Variants in TMEM132B observed in about 807,000 individuals in gnomAD.
TMEM132B encodes transmembrane protein 132B.
In TMEM132B, 18 loss-of-function variants were observed where a neutral mutation model predicts 90.8. The observed-to-expected ratio is 0.20, with a 90% CI of 0.14 to 0.29. TMEM132B has a LOEUF of 0.29. TMEM132B is among the 10% of genes least tolerant of loss of function. TMEM132B has a pLI of 1.00. For synonymous variants in TMEM132B, 504 were observed against 523.3 expected (o/e 0.96, Z 0.50); for missense variants, 1,096 against 1,326.8 (o/e 0.83, Z 2.70).
At chr12:125,435,835 G>A (rs545251255) in intron 3 of TMEM132B, among the ~76,000 whole-genome samples, 1 of 151,988 alleles carries the variant, frequency 6.6e-6, no homozygotes, top group Non-Finnish European at 1.5e-5. Context: ...TGGACTCCCC[G>A]GGGCAGGAGG....
At chr12:125,640,385 C>T (rs942409086) in intron 5 of TMEM132B, among the ~76,000 whole-genome samples, 1 of 152,166 alleles carries the variant, frequency 6.6e-6, no homozygotes. Context: ...CAGTAGAAAA[C>T]CACTTATGAA....
intron 1 of TMEM132B, among the ~76,000 whole-genome samples, chr12:125,290,264 C>T (rs780068213): frequency 6.6e-6 from 1 of 152,158 alleles, no homozygotes; most frequent in African/African-American, 2.4e-5. Context: ...ACTTTCTGCT[C>T]TTATTGATTT....
chr12:125,641,391 G>A (rs1398850892), intron 5 of TMEM132B, among the ~76,000 whole-genome samples: 1 of 152,190 alleles, frequency 6.6e-6, no homozygotes, highest in Non-Finnish European at 1.5e-5. Flanking sequence ...CATGAAGTGA[G>A]AAACTCTGGT....
intron 6 of TMEM132B, among the ~76,000 whole-genome samples, chr12:125,645,837 T>TGTATTA (rs1289218665): frequency 2.0e-5 from 3 of 152,200 alleles, no homozygotes; most frequent in Admixed American, 6.5e-5. Context: ...ATACAGAGCC[T>TGTATTA]GTTGCCCAGG....
intron 2 of TMEM132B, among the ~76,000 whole-genome samples, chr12:125,389,592 TATG>T (rs1878950115): frequency 2.0e-5 from 3 of 152,170 alleles, no homozygotes; most frequent in Non-Finnish European, 2.9e-5. Flanking sequence ...ATGGAGTTGT[TATG>T]ATAATTAAGA....
chr12:125,515,339 C>T (rs11609471), intron 3 of TMEM132B, among the ~76,000 whole-genome samples: 25,417 of 151,926 alleles, frequency 0.17, 2,624 homozygotes, highest in Non-Finnish European at 0.24. Context: ...ACAACACATT[C>T]TGTCACACTC....
chr12:125,521,003 A>G (rs774386918), intron 4 of TMEM132B, among the ~76,000 whole-genome samples: 1 of 152,210 alleles, frequency 6.6e-6, no homozygotes, highest in Non-Finnish European at 1.5e-5. Flanking sequence ...GGGAACAGAG[A>G]TGGATGGGTG....
At chr12:125,560,619 G>C (rs1364013959) in intron 4 of TMEM132B, among the ~76,000 whole-genome samples, 1 of 151,294 alleles carries the variant, frequency 6.6e-6, no homozygotes, top group East Asian at 1.9e-4. Flanking sequence ...TCAGGAGATC[G>C]AGACCATCCT....
At chr12:125,633,440 T>C (rs984255029) in intron 5 of TMEM132B, among the ~76,000 whole-genome samples, 1 of 152,236 alleles carries the variant, frequency 6.6e-6, no homozygotes, top group Non-Finnish European at 1.5e-5. Context: ...TTATTTAGTT[T>C]ATTTGGTGAG....
At chr12:125,289,692 A>G (rs1293908528) in intron 1 of TMEM132B, among the ~76,000 whole-genome samples, 1 of 152,264 alleles carries the variant, frequency 6.6e-6, no homozygotes, top group Non-Finnish European at 1.5e-5. Flanking sequence ...AGATACTTTC[A>G]TCAGCCACAC....
In TMEM132B at chr12:125,658,837, C is replaced by A. The variant is rs1042692199; in HGVS notation, c.*4127C>A. 1 of 152,152 alleles carries A rather than the reference C, an allele frequency of 6.6e-6. No individual in the cohort carries two copies. Among genetic ancestry groups the A allele is most frequent in the Non-Finnish European group, 1.5e-5 (1 of 68,026 alleles). 9.4% of individuals were successfully genotyped at this position (152,152 alleles called of 1,614,324 possible). A position where few individuals can be genotyped will look rare whatever the true frequency, so the allele number is the denominator to read the frequency against. ...AATGCACTGAATTTGGAATTCTGGC[C>A]TAGAAAGGCTGTGGCTTATGTTGGG... On this transcript the variant is annotated 3_prime_UTR_variant, in exon 9 of 9. Transcript: ENST00000682704.
chr12:125,254,419 C>T (rs532862013), intron 1 of TMEM132B, among the ~76,000 whole-genome samples: 35 of 152,312 alleles, frequency 2.3e-4, no homozygotes, highest in Middle Eastern at 6.8e-3. Flanking sequence ...CCTTCATCAG[C>T]CCCCTTAGAC....
At chr12:125,409,640 G>GGAGTGGAGTGGAGTGGAGTGGAGT (rs1879646608) in intron 2 of TMEM132B, among the ~76,000 whole-genome samples, 1 of 60,200 alleles carries the variant, frequency 1.7e-5, no homozygotes, top group Admixed American at 1.6e-4. Context: ...GTGGAGTGGA[G>GGAGTGGAGTGGAGTGGAGTGGAGT]GAGTGGAGTG....
chr12:125,285,350 C>G (rs1304479815), intron 1 of TMEM132B, among the ~76,000 whole-genome samples: 2 of 152,158 alleles, frequency 1.3e-5, no homozygotes, highest in Non-Finnish European at 2.9e-5. Context: ...GAGTCAGAGG[C>G]AAAGACATAG....
chr12:125,621,584 G>A (rs1446666003), intron 5 of TMEM132B, among the ~76,000 whole-genome samples: 1 of 152,168 alleles, frequency 6.6e-6, no homozygotes, highest in Admixed American at 6.5e-5. Context: ...TGTGGTCATA[G>A]TAGACATCAT....
At chr12:125,516,433 C>T (rs113580068) in intron 3 of TMEM132B, among the ~76,000 whole-genome samples, 1 of 152,156 alleles carries the variant, frequency 6.6e-6, no homozygotes, top group Non-Finnish European at 1.5e-5. Context: ...AAGTATAAGA[C>T]CTCTTTCCTC....
intron 2 of TMEM132B, among the ~76,000 whole-genome samples, chr12:125,381,553 A>T (rs1291606074): frequency 6.6e-6 from 1 of 152,174 alleles, no homozygotes; most frequent in Non-Finnish European, 1.5e-5. Context: ...ACAGTGGAGA[A>T]GTCAAGACTG....
intron 1 of TMEM132B, among the ~76,000 whole-genome samples, chr12:125,296,561 G>T (rs1212500111): frequency 6.6e-6 from 1 of 152,178 alleles, no homozygotes; most frequent in African/African-American, 2.4e-5. Flanking sequence ...TGACAAACTG[G>T]ATAATCTACT....
intron 3 of TMEM132B, among the ~76,000 whole-genome samples, chr12:125,424,266 C>T (rs1229141972): frequency 6.6e-6 from 1 of 152,114 alleles, no homozygotes; most frequent in Non-Finnish European, 1.5e-5. Context: ...CATGAACTGG[C>T]AGGTCAAAAT....
Sources: gnomAD v4.1 joint callset for allele counts (sites outside exome capture counted in the v4.1 genomes callset) on GRCh38, gnomAD v4.1.1 for gene constraint, MANE v1.5 for transcripts, NCBI Gene and HGNC (gene_info 2026-07-23, HGNC 2026-07-21) for gene names.